RAB5A: variants seen among roughly 807,000 people sequenced by gnomAD.
RAB5A encodes the protein ras-related protein Rab-5A.
A neutral mutation model predicts 25.7 loss-of-function variants in RAB5A; 8 were observed. That is an observed-to-expected ratio of 0.31 (90% CI 0.18 to 0.56). The LOEUF (loss-of-function observed/expected upper bound fraction) is 0.56, where lower values mean the gene tolerates loss of function less well. Ranked by LOEUF, RAB5A falls within the 20% of genes least tolerant of loss-of-function variation. The pLI is 0.91. For missense variants in RAB5A, 192 were observed against 259.7 expected (o/e 0.74, Z 1.79); for synonymous variants, 98 against 89.8 (o/e 1.09, Z -0.52).
In RAB5A at chr3:19,954,124, C is replaced by T. The variant is rs552040453; in HGVS notation, c.163+3063C>T. ...CTACTTCCCAGGTTCAGGCAGTTCTCCTGCCTCAGCCTCCTGAGTAGCTGG... is the reference window on the plus strand; with the variant it reads ...CTACTTCCCAGGTTCAGGCAGTTCTTCTGCCTCAGCCTCCTGAGTAGCTGG... On this transcript the variant is annotated intron_variant, in intron 2 of 5. Coordinates refer to ENST00000273047, the MANE Select transcript of RAB5A (RefSeq NM_004162.5). Among the ~76,000 whole-genome samples the T allele has an allele frequency of 5.9e-5, 9 of 152,270 alleles. No homozygotes were observed. The East Asian group carries it at 1.5e-3, about 26-fold the overall frequency.
At chr3:19,952,151 C>G (rs1696433600) in intron 2 of RAB5A, among the ~76,000 whole-genome samples, 1 of 152,076 alleles carries the variant, frequency 6.6e-6, no homozygotes, top group Admixed American at 6.5e-5. Flanking sequence ...TCAAGTCTAG[C>G]CTGGGCAACA....
chr3:19,956,648 A>G (rs903501165), intron 2 of RAB5A, among the ~76,000 whole-genome samples: 1 of 152,210 alleles, frequency 6.6e-6, no homozygotes. Context: ...TTAACATACT[A>G]TTTTACCTAA....
intron 2 of RAB5A, chr3:19,970,406 TGCTGAG>T (rs769738731): frequency 1.4e-4 from 54 of 374,378 alleles, no homozygotes; most frequent in Non-Finnish European, 2.7e-4. Context: ...TTTGTAGTTT[TGCTGAG>T]GCTGAAATGT....
chr3:19,968,919 G>A (rs1357563793), intron 2 of RAB5A, among the ~76,000 whole-genome samples: 1 of 151,836 alleles, frequency 6.6e-6, no homozygotes, highest in Non-Finnish European at 1.5e-5. Context: ...AGGTTAAAAA[G>A]TATTAGCATT....
intron 5 of RAB5A, among the ~76,000 whole-genome samples, chr3:19,983,420 G>A (rs770275601): frequency 6.6e-6 from 1 of 151,232 alleles, no homozygotes; most frequent in Non-Finnish European, 1.5e-5. Context: ...TGAGTGAATC[G>A]GTATAGAGAA....
At chr3:19,965,180 C>A (rs1002650904) in intron 2 of RAB5A, among the ~76,000 whole-genome samples, 1 of 152,150 alleles carries the variant, frequency 6.6e-6, no homozygotes, top group Non-Finnish European at 1.5e-5. Context: ...CCTCGGCCCC[C>A]CAGAATGCTG....
chr3:19,963,855 T>C (rs1344378965), intron 2 of RAB5A, among the ~76,000 whole-genome samples: 1 of 152,100 alleles, frequency 6.6e-6, no homozygotes. Flanking sequence ...CCCAGGCTGG[T>C]TTTGAGCTCC....
chr3:19,951,701 G>GTTTTTTTTTT (rs61250458), intron 2 of RAB5A, among the ~76,000 whole-genome samples: 18,248 of 98,042 alleles, frequency 0.19, 2,731 homozygotes, highest in African/African-American at 0.3. Context: ...TGCCAGGCAA[G>GTTTTTTTTTT]TTTTTTTTTT....
At chr3:19,978,205 G>T in intron 4 of RAB5A, 105 bp from the exon 5 acceptor site, 1 of 772,490 alleles carries the variant, frequency 1.3e-6, no homozygotes, top group South Asian at 1.5e-5. Flanking sequence ...TAGGAATCAG[G>T]TTGTAGTAAT....
chr3:19,979,136 C>T (rs189728454), intron 5 of RAB5A, among the ~76,000 whole-genome samples: 1 of 152,004 alleles, frequency 6.6e-6, no homozygotes, highest in Non-Finnish European at 1.5e-5. Flanking sequence ...ACCACCACGC[C>T]CAGCTAATTT....
intron 2 of RAB5A, among the ~76,000 whole-genome samples, chr3:19,953,534 A>G (rs1252123350): frequency 6.6e-6 from 1 of 151,680 alleles, no homozygotes; most frequent in Non-Finnish European, 1.5e-5. Context: ...CAGCCCCCCA[A>G]GTAGCTGGGA....
rs529835376 is a variant in RAB5A at position 19,948,063 on chromosome 3, T to C, written c.-94+542T>C. Among the ~76,000 whole-genome samples the C allele has an allele frequency of 4.6e-5, 7 of 152,116 alleles. No individual in the cohort carries two copies. The South Asian group carries it at 1.5e-3, about 32-fold the overall frequency. On this transcript the variant is annotated intron_variant, in intron 1 of 5. Coordinates refer to ENST00000273047, the MANE Select transcript of RAB5A (RefSeq NM_004162.5). ...TCGGTGGGTGGGAGGCTCGTCAAAA[T>C]AGGCTGTCTAGAGACTTGTTTTCTG...
intron 2 of RAB5A, among the ~76,000 whole-genome samples, chr3:19,955,053 T>C (rs1696480116): frequency 6.6e-6 from 1 of 152,222 alleles, no homozygotes; most frequent in Non-Finnish European, 1.5e-5. Flanking sequence ...TACTTGGTAC[T>C]GCATCTCTAG....
chr3:19,960,304 T>C (rs1320299172), intron 2 of RAB5A, among the ~76,000 whole-genome samples: 3 of 152,186 alleles, frequency 2.0e-5, no homozygotes, highest in Non-Finnish European at 4.4e-5. Context: ...AGAGTACTTC[T>C]AAAGGTTTTT....
chr3:19,980,563 A>G (rs1171829268), intron 5 of RAB5A, among the ~76,000 whole-genome samples: 1 of 151,988 alleles, frequency 6.6e-6, no homozygotes, highest in Admixed American at 6.6e-5. Flanking sequence ...TACTCGTTCT[A>G]GTTTACCTCC....
intron 2 of RAB5A, among the ~76,000 whole-genome samples, chr3:19,969,974 G>GAC (rs1696721360): frequency 1.3e-5 from 2 of 150,200 alleles, no homozygotes; most frequent in Admixed American, 1.3e-4. Context: ...CGGCTAATTT[G>GAC]TATTTTTAGT....
At chr3:19,967,801 A>G in intron 2 of RAB5A, among the ~76,000 whole-genome samples, 1 of 152,004 alleles carries the variant, frequency 6.6e-6, no homozygotes, top group Non-Finnish European at 1.5e-5. Context: ...TCCTCACATT[A>G]ATTGCAATGT....
intron 1 of RAB5A, among the ~76,000 whole-genome samples, chr3:19,949,714 A>T (rs566878131): frequency 6.6e-6 from 1 of 152,206 alleles, no homozygotes; most frequent in Non-Finnish European, 1.5e-5. Flanking sequence ...GTCGCCATTC[A>T]GGCTAGATTT....
chr3:19,978,646 T>C (rs1040194798), intron 5 of RAB5A: 3 of 328,228 alleles, frequency 9.1e-6, no homozygotes, highest in Non-Finnish European at 1.7e-5. Context: ...TACTGTCAGT[T>C]TAGGCAGCTT....
Sources: allele counts gnomAD v4.1 joint callset (sites outside exome capture counted in the v4.1 genomes callset), GRCh38; gene constraint gnomAD v4.1.1; transcripts MANE v1.5; gene names NCBI Gene and HGNC (gene_info 2026-07-23, HGNC 2026-07-21).